The following FAAH2 variants were observed in gnomAD, a reference collection of about 807,000 sequenced individuals.
FAAH2 encodes fatty-acid amide hydrolase 2.
In FAAH2, 60 loss-of-function variants were observed where a neutral mutation model predicts 36.9. That is an observed-to-expected ratio of 1.63 (90% CI 1.32 to 2.02). FAAH2 has a LOEUF of 2.02. FAAH2 is among the 30% of genes most tolerant of loss of function. The pLI is 0.00. For synonymous variants in FAAH2, 214 were observed against 143.8 expected (o/e 1.49, Z -3.49); for missense variants, 689 against 397.5 (o/e 1.73, Z -6.23).
rs752303787 is a variant in FAAH2 at position 57,441,447 on chromosome X, A to G, written c.1117-5481A>G. Among the ~76,000 whole-genome samples, 7 of 111,012 alleles carry G rather than the reference A, an allele frequency of 6.3e-5. No homozygotes were observed. The South Asian group carries it at 2.7e-3, about 42-fold the overall frequency. On this transcript the variant is annotated intron_variant, in intron 8 of 10. Coordinates refer to ENST00000374900, the MANE Select transcript of FAAH2 (RefSeq NM_174912.4). ...GTATTTCTTTGGGATTGGTGGTGCT[A>G]TACCCTTTATCATTTTTTATTGCAT... is the stretch of plus-strand genomic sequence containing the variant.
At chrX:57,461,380 T>C (rs181934741) in intron 10 of FAAH2, among the ~76,000 whole-genome samples, 10 of 111,599 alleles carry the variant, frequency 9.0e-5, no homozygotes, top group Non-Finnish European at 1.7e-4. Context: ...GCACTTATTC[T>C]AAAATTGACC....
the FAAH2 span, among the ~76,000 whole-genome samples, chrX:57,281,637 AG>A: frequency 9.0e-6 from 1 of 111,216 alleles, no homozygotes; most frequent in Admixed American, 9.6e-5. Context: ...CATGTCATGG[AG>A]GTTTGGTGTG....
At position 57,288,157 on chromosome X, in the gene FAAH2, A is replaced by G. The variant is rs369414371; in HGVS notation, c.192+1140A>G. ...AAAGATGATATATTTCAAATTTTGG[A>G]CTGTCTGTTCATGGCTCTGTGACCT... On this transcript the variant is annotated intron_variant, in intron 1 of 10. Transcript: ENST00000374900. Among the ~76,000 whole-genome samples the G allele has an allele frequency of 9.3e-4, 102 of 110,059 alleles. 2 individuals are homozygous for G. In the East Asian group the frequency reaches 0.023, roughly 25 times the overall value.
At chrX:57,276,308 T>C in the FAAH2 span, among the ~76,000 whole-genome samples, 1 of 112,066 alleles carries the variant, frequency 8.9e-6, no homozygotes, top group Non-Finnish European at 1.9e-5. Context: ...CTGAACAACC[T>C]GCTCCTGAAT....
chrX:57,335,991 G>A (rs1391247177), intron 4 of FAAH2, among the ~76,000 whole-genome samples: 1 of 111,357 alleles, frequency 9.0e-6, no homozygotes, highest in Non-Finnish European at 1.9e-5. Context: ...ACAAGGTTGG[G>A]GGTAGGGTTA....
intron 7 of FAAH2, among the ~76,000 whole-genome samples, chrX:57,411,485 C>T (rs969675795): frequency 9.0e-6 from 1 of 110,791 alleles, no homozygotes; most frequent in South Asian, 4.0e-4. Flanking sequence ...CCCTGCAGGG[C>T]TTATGGACAA....
the FAAH2 span, among the ~76,000 whole-genome samples, chrX:57,154,694 T>G: frequency 9.0e-6 from 1 of 111,444 alleles, no homozygotes; most frequent in South Asian, 3.8e-4. Flanking sequence ...ATTTCTTGGT[T>G]TGTATCCATT....
the FAAH2 span, among the ~76,000 whole-genome samples, chrX:57,168,385 T>TACACAC: frequency 2.9e-4 from 30 of 104,621 alleles, no homozygotes; most frequent in Middle Eastern, 5.0e-3. Context: ...ATATGTGTGT[T>TACACAC]ACACACACAC....
At chrX:57,212,310 A>C in the FAAH2 span, among the ~76,000 whole-genome samples, 11 of 112,181 alleles carry the variant, frequency 9.8e-5, no homozygotes, top group Non-Finnish European at 1.9e-4. Context: ...AATCTTAAAA[A>C]CCAGATGCTA....
At chrX:57,294,495 T>C (rs2052075555) in intron 2 of FAAH2, among the ~76,000 whole-genome samples, 1 of 111,862 alleles carries the variant, frequency 8.9e-6, no homozygotes, top group Non-Finnish European at 1.9e-5. Flanking sequence ...GACTCTACCT[T>C]CTTCCTTCTT....
chrX:57,233,551 G>A, the FAAH2 span, among the ~76,000 whole-genome samples: 21 of 111,943 alleles, frequency 1.9e-4, no homozygotes, highest in Non-Finnish European at 5.6e-5. Flanking sequence ...ACAAGGTGAG[G>A]GGGGAGGACT....
chrX:57,312,327 C>T (rs912566286), intron 3 of FAAH2, among the ~76,000 whole-genome samples: 30 of 111,779 alleles, frequency 2.7e-4, no homozygotes, highest in African/African-American at 9.1e-4. Flanking sequence ...ATCAATCATC[C>T]GGCTAATATG....
chrX:57,148,080 G>A, the FAAH2 span, among the ~76,000 whole-genome samples: 1 of 111,157 alleles, frequency 9.0e-6, no homozygotes, highest in Non-Finnish European at 1.9e-5. Context: ...GTAGATATGC[G>A]GCATTATTTC....
chrX:57,174,266 C>T, the FAAH2 span, among the ~76,000 whole-genome samples: 1 of 108,206 alleles, frequency 9.2e-6, no homozygotes, highest in African/African-American at 3.4e-5. Context: ...TTCAGTCTCA[C>T]TGATTATTAT....
At chrX:57,256,395 T>A in the FAAH2 span, among the ~76,000 whole-genome samples, 3 of 111,869 alleles carry the variant, frequency 2.7e-5, no homozygotes, top group African/African-American at 9.7e-5. Flanking sequence ...TACCACTGAC[T>A]TTCTTCACAG....
chrX:57,334,400 G>A (rs1243817797), intron 4 of FAAH2, among the ~76,000 whole-genome samples: 1 of 110,257 alleles, frequency 9.1e-6, no homozygotes, highest in Admixed American at 9.8e-5. Flanking sequence ...AAGATGCTCT[G>A]AGACAAAGAC....
the FAAH2 span, among the ~76,000 whole-genome samples, chrX:57,225,120 A>AT: frequency 0.02 from 2,103 of 104,521 alleles, 18 homozygotes; most frequent in Middle Eastern, 0.045. Flanking sequence ...CTTTCGTAAA[A>AT]TTTTTTTTTT....
chrX:57,147,921 G>A, the FAAH2 span, among the ~76,000 whole-genome samples: 1 of 111,740 alleles, frequency 8.9e-6, no homozygotes, highest in Non-Finnish European at 1.9e-5. Context: ...GTCTGAGAGA[G>A]TACTTGATGT....
In FAAH2 at chrX:57,489,065, T is replaced by C; in HGVS notation, c.*133T>C. 1 of 657,178 alleles carries C rather than the reference T, an allele frequency of 1.5e-6. No homozygotes were observed. Among genetic ancestry groups the C allele is most frequent in the Admixed American group, 4.7e-5 (1 of 21,221 alleles). 54.2% of individuals were successfully genotyped at this position (657,178 alleles called of 1,213,427 possible). A position where few individuals can be genotyped will look rare whatever the true frequency, so the allele number is the denominator to read the frequency against. On this transcript the variant is annotated 3_prime_UTR_variant, in exon 11 of 11. Coordinates refer to ENST00000374900, the MANE Select transcript of FAAH2 (RefSeq NM_174912.4). ...GGAATTTATTGACTCATTTAGTTAT[T>C]CTTTCTACTTTTATTTCCTTCTCTA... is the stretch of plus-strand genomic sequence containing the variant.
Sources: gnomAD v4.1 joint callset for allele counts (sites outside exome capture counted in the v4.1 genomes callset) on GRCh38, gnomAD v4.1.1 for gene constraint, MANE v1.5 for transcripts, NCBI Gene and HGNC (gene_info 2026-07-23, HGNC 2026-07-21) for gene names.